The following MAGI2 variants were observed in gnomAD, a reference collection of about 807,000 sequenced individuals.
The protein encoded by MAGI2 is membrane-associated guanylate kinase, WW and PDZ domain-containing protein 2.
A neutral mutation model predicts 133.3 loss-of-function variants in MAGI2; 35 were observed. The observed-to-expected ratio is 0.26, with a 90% CI of 0.20 to 0.35. The LOEUF is 0.35. Ranked by LOEUF, MAGI2 falls within the 10% of genes least tolerant of loss-of-function variation. The pLI, the probability that MAGI2 is intolerant of heterozygous loss-of-function variation, is 1.00. For synonymous variants in MAGI2, 729 were observed against 710.6 expected (o/e 1.03, Z -0.41); for missense variants, 1,636 against 1,863.4 (o/e 0.88, Z 2.25).
At chr7:79,319,857 C>T (rs887866359) in intron 1 of MAGI2, among the ~76,000 whole-genome samples, 1 of 152,118 alleles carries the variant, frequency 6.6e-6, no homozygotes, top group Non-Finnish European at 1.5e-5. Flanking sequence ...ATGATTGACC[C>T]ACGTTTCCCA....
chr7:78,416,781 T>C (rs1415172682), intron 6 of MAGI2, among the ~76,000 whole-genome samples: 1 of 152,124 alleles, frequency 6.6e-6, no homozygotes, highest in Admixed American at 6.6e-5. Flanking sequence ...GACTCTTTCA[T>C]CTCTCCTGCC....
intron 6 of MAGI2, among the ~76,000 whole-genome samples, chr7:78,488,444 T>G (rs540498318): frequency 1.3e-5 from 2 of 152,186 alleles, no homozygotes; most frequent in South Asian, 4.1e-4. Flanking sequence ...TTAAATTCAC[T>G]TTAATTAGGA....
At chr7:78,206,056 G>A (rs1170245139) in intron 10 of MAGI2, among the ~76,000 whole-genome samples, 1 of 152,130 alleles carries the variant, frequency 6.6e-6, no homozygotes, top group Non-Finnish European at 1.5e-5. Context: ...TAACCAAAAT[G>A]AAAGAACATC....
intron 1 of MAGI2, among the ~76,000 whole-genome samples, chr7:79,111,831 T>C (rs914135153): frequency 6.6e-5 from 10 of 152,080 alleles, no homozygotes; most frequent in Admixed American, 5.2e-4. Context: ...CATGCCTGGC[T>C]AATTTTTTGT....
chr7:78,690,102 A>G (rs959197809), intron 2 of MAGI2, among the ~76,000 whole-genome samples: 1 of 152,176 alleles, frequency 6.6e-6, no homozygotes. Flanking sequence ...ATTTTCTTAG[A>G]AAAAAATCCC....
At chr7:78,737,442 A>T (rs1821972468) in intron 2 of MAGI2, among the ~76,000 whole-genome samples, 1 of 152,218 alleles carries the variant, frequency 6.6e-6, no homozygotes, top group African/African-American at 2.4e-5. Context: ...ATTGCAACTA[A>T]CCTTTAAGAA....
At chr7:79,231,654 A>T (rs1266161733) in intron 1 of MAGI2, among the ~76,000 whole-genome samples, 1 of 127,656 alleles carries the variant, frequency 7.8e-6, no homozygotes, top group Non-Finnish European at 1.8e-5. Context: ...GTATCCTGAG[A>T]CTTTGCTGAA....
intron 1 of MAGI2, among the ~76,000 whole-genome samples, chr7:79,248,843 CATTTT>C (rs59420661): frequency 3.3e-5 from 5 of 149,676 alleles, no homozygotes; most frequent in Non-Finnish European, 7.4e-5. Context: ...ATATTAAAAC[CATTTT>C]ATTTTATTTT....
At chr7:78,321,405 C>G (rs1346281165) in intron 9 of MAGI2, among the ~76,000 whole-genome samples, 3 of 152,166 alleles carry the variant, frequency 2.0e-5, no homozygotes, top group Admixed American at 6.5e-5. Flanking sequence ...CAGCATGATA[C>G]TGGTACCAAA....
At chr7:78,598,780 T>G (rs1804881960) in intron 3 of MAGI2, among the ~76,000 whole-genome samples, 1 of 152,178 alleles carries the variant, frequency 6.6e-6, no homozygotes, top group African/African-American at 2.4e-5. Flanking sequence ...CAGGATATAG[T>G]GTTAGGTTAT....
intron 3 of MAGI2, among the ~76,000 whole-genome samples, chr7:78,560,381 G>A (rs1449940278): frequency 6.6e-6 from 1 of 152,108 alleles, no homozygotes; most frequent in African/African-American, 2.4e-5. Context: ...TATTCTGGAG[G>A]TGATAATTGA....
intron 1 of MAGI2, among the ~76,000 whole-genome samples, chr7:79,174,164 T>C (rs1454465086): frequency 3.9e-5 from 6 of 152,114 alleles, no homozygotes. Flanking sequence ...TTATTTTTTC[T>C]CTTACTGTGG....
At chr7:78,459,637 T>C (rs112758103) in intron 6 of MAGI2, among the ~76,000 whole-genome samples, 2,184 of 152,306 alleles carry the variant, frequency 0.014, 60 homozygotes, top group African/African-American at 0.05. Flanking sequence ...ATGAATCCCA[T>C]AAAACTTAAT....
At chr7:78,804,280 G>A (rs1480618785) in intron 2 of MAGI2, among the ~76,000 whole-genome samples, 3 of 152,002 alleles carry the variant, frequency 2.0e-5, no homozygotes, top group South Asian at 2.1e-4. Flanking sequence ...ACAAGCTACC[G>A]TCTTGCAATA....
intron 1 of MAGI2, among the ~76,000 whole-genome samples, chr7:79,105,705 C>T (rs1200113134): frequency 6.6e-6 from 1 of 152,114 alleles, no homozygotes; most frequent in East Asian, 1.9e-4. Context: ...ATATATAATG[C>T]AACAAACCCG....
intron 10 of MAGI2, among the ~76,000 whole-genome samples, chr7:78,237,112 A>C (rs933614002): frequency 6.6e-6 from 1 of 152,182 alleles, no homozygotes; most frequent in Non-Finnish European, 1.5e-5. Context: ...GCCAAACCAT[A>C]TCATCCTGTT....
chr7:78,357,455 C>T (rs1300940021), intron 7 of MAGI2, among the ~76,000 whole-genome samples: 1 of 152,034 alleles, frequency 6.6e-6, no homozygotes, highest in Non-Finnish European at 1.5e-5. Flanking sequence ...CTAAGCCACA[C>T]TAGCAAAAAA....
At chr7:78,127,454 G>T in intron 18 of MAGI2, 38 bp from the exon 19 acceptor site, 2 of 1,507,696 alleles carry the variant, frequency 1.3e-6, no homozygotes, top group South Asian at 1.1e-5. Context: ...TTGTAACTCT[G>T]CATTCTAAAG....
chr7:79,450,234 C>T (rs2129206893), intron 1 of MAGI2, among the ~76,000 whole-genome samples: 1 of 152,164 alleles, frequency 6.6e-6, no homozygotes, highest in African/African-American at 2.4e-5. Context: ...GCTTTTGCAT[C>T]TCTTGAAACA....
Sources: allele counts gnomAD v4.1 joint callset (sites outside exome capture counted in the v4.1 genomes callset), GRCh38; gene constraint gnomAD v4.1.1; transcripts MANE v1.5; gene names NCBI Gene and HGNC (gene_info 2026-07-23, HGNC 2026-07-21).